Variants in PTPN13 observed in about 807,000 individuals in gnomAD.
The protein encoded by PTPN13 is tyrosine-protein phosphatase non-receptor type 13.
In PTPN13, 191 loss-of-function variants were observed where a neutral mutation model predicts 284.0. That is an observed-to-expected ratio of 0.67 (90% CI 0.60 to 0.76). PTPN13 has a LOEUF of 0.76. Among genes scored for constraint, PTPN13 ranks in the 30% least tolerant of loss-of-function variants. The probability of loss-of-function intolerance (pLI) is 0.00; values close to 1 mark genes in which losing one functional copy is unlikely to be tolerated. For synonymous variants in PTPN13, 986 were observed against 1,022.3 expected (o/e 0.96, Z 0.68); for missense variants, 2,797 against 2,939.9 (o/e 0.95, Z 1.12).
chr4:86,730,427 G>T lies in PTPN13; in HGVS notation c.1609-1973G>T, dbSNP rs544156580. ...TGGCCACAGAGGTGGAGTCTGTAGA[G>T]GAAGCAGGCCTTGCTGAGCTGCGGT... On this transcript the variant is annotated intron_variant, in intron 10 of 47. Coordinates refer to ENST00000411767, the MANE Select transcript of PTPN13 (RefSeq NM_080683.3). Among the ~76,000 whole-genome samples the T allele has an allele frequency of 1.3e-5, 2 of 150,020 alleles. 1 individual carries two copies. Among genetic ancestry groups the T allele is most frequent in the Non-Finnish European group, 3.0e-5 (2 of 66,714 alleles).
At chr4:86,632,696 CT>C (rs1200998409) in intron 1 of PTPN13, among the ~76,000 whole-genome samples, 1 of 151,750 alleles carries the variant, frequency 6.6e-6, no homozygotes, top group Non-Finnish European at 1.5e-5. Context: ...CGCCTCCTCC[CT>C]TCTTCCTTTT....
chr4:86,711,007 T>C (rs145389734), intron 7 of PTPN13, among the ~76,000 whole-genome samples: 3,383 of 151,818 alleles, frequency 0.022, 66 homozygotes, highest in Middle Eastern at 0.041. Context: ...TACTGCAACC[T>C]CTGCCTCCTG....
intron 1 of PTPN13, among the ~76,000 whole-genome samples, chr4:86,601,753 G>A (rs980419794): frequency 6.6e-6 from 1 of 152,110 alleles, no homozygotes; most frequent in Admixed American, 6.5e-5. Flanking sequence ...CTTCCACCGC[G>A]GGGATACTTA....
rs142913080 is a variant in PTPN13, at chr4:86,769,688, A to G, written c.4490-81A>G. The G allele has an allele frequency of 8.9e-4, 820 of 922,926 alleles. 1 individual carries two copies. The African/African-American group carries it at 0.012, about 14-fold the overall frequency. The allele number at this position is 922,926 out of a possible 1,614,324, so 57.2% of individuals were successfully genotyped here. On this transcript the variant is annotated intron_variant, in intron 28 of 47. Coordinates refer to ENST00000411767, the MANE Select transcript of PTPN13 (RefSeq NM_080683.3). ...GAAAATGGGCTTTTAAAATGTGTCT[A>G]GAAGTATATATGTTTGTATGTTCCT...
chr4:86,758,708 G>A lies in PTPN13; in HGVS notation c.3344G>A (p.Gly1115Glu), dbSNP rs375169848. 110 of 1,613,766 alleles carry A rather than the reference G, an allele frequency of 6.8e-5. 1 individual carries two copies. The Middle Eastern group carries it at 1.3e-3, about 19-fold the overall frequency. ...GFQIIGGEKMGRLDLGIFISS... is the reference protein window; with the variant it reads ...GFQIIGGEKMERLDLGIFISS... ...CAAATTATTGGTGGGGAGAAGATGGGAAGACTGGACCTAGGCATATTTATC... is the reference window on the plus strand; with the variant it reads ...CAAATTATTGGTGGGGAGAAGATGGAAAGACTGGACCTAGGCATATTTATC... The change falls in exon 22 of 48, where the codon GGA becomes GAA. Residue 1115 changes from glycine (G) to glutamate (E), a missense_variant. By Grantham distance (98) the Gly-to-Glu change is moderately conservative. Transcript: ENST00000411767.
At chr4:86,755,389 G>A (rs1737859098) in intron 20 of PTPN13, among the ~76,000 whole-genome samples, 1 of 148,896 alleles carries the variant, frequency 6.7e-6, no homozygotes, top group African/African-American at 2.5e-5. Flanking sequence ...ATTTTCCTTT[G>A]TAAGAGTAAA....
chr4:86,774,480 G>A lies in PTPN13; in HGVS notation c.5457G>A (p.Gln1819=), dbSNP rs892333493. 17 of 1,605,528 alleles carry A rather than the reference G, an allele frequency of 1.1e-5. No homozygotes were observed. Among genetic ancestry groups the A allele is most frequent in the Non-Finnish European group, 1.4e-5 (17 of 1,175,656 alleles). The change falls in exon 33 of 48, where the codon CAG becomes CAA. Residue 1819 remains glutamine (Q), a synonymous_variant. Transcript: ENST00000411767. The part of the protein sequence containing the change: ...RIGCYVHDVI[Q]DPAKSDGRLK... ...GTTGTTATGTTCATGATGTCATACA[G>A]GATCCAGCCAAAAGTGATGGAAGGC...
chr4:86,671,340 A>T (rs1727702293), intron 2 of PTPN13, among the ~76,000 whole-genome samples: 1 of 152,190 alleles, frequency 6.6e-6, no homozygotes. Flanking sequence ...TGACAGAGTG[A>T]TATCAGTATA....
chr4:86,739,987 AG>A (rs1284943084), intron 15 of PTPN13, among the ~76,000 whole-genome samples: 1 of 152,212 alleles, frequency 6.6e-6, no homozygotes, highest in Admixed American at 6.5e-5. Context: ...CTGATGCAAG[AG>A]GTGGGCTCCC....
In PTPN13 at chr4:86,686,743, TG is replaced by T; in HGVS notation, c.334del (p.Ala112LeufsTer58). On this transcript the variant is annotated frameshift_variant, in exon 4 of 48. Coordinates refer to ENST00000411767, the MANE Select transcript of PTPN13 (RefSeq NM_080683.3). LOFTEE classifies it high-confidence loss of function. ...TTATTCTCTTGGAATGACACTGTAT[TG>T]GGGGGCTGATTATGAAGTGCCTCAG... is the stretch of plus-strand genomic sequence containing the variant. ...HIYSLGMTLY[W>X]GADYEVPQSQ... 1 of 1,581,880 alleles carries T rather than the reference TG, an allele frequency of 6.3e-7. No homozygotes were observed. Among genetic ancestry groups the T allele is most frequent in the African/African-American group, 1.3e-5 (1 of 74,150 alleles).
intron 6 of PTPN13, among the ~76,000 whole-genome samples, chr4:86,697,687 T>G (rs1730719197): frequency 6.6e-6 from 1 of 152,184 alleles, no homozygotes; most frequent in Non-Finnish European, 1.5e-5. Flanking sequence ...GTTTCTTTCT[T>G]TTGAAACGCA....
intron 37 of PTPN13, among the ~76,000 whole-genome samples, chr4:86,783,539 A>G (rs1163959640): frequency 1.3e-5 from 2 of 151,722 alleles, no homozygotes; most frequent in Non-Finnish European, 2.9e-5. Context: ...AAAATCTTCC[A>G]GGAAGTCTCC....
chr4:86,710,824 T>C (rs966937587), intron 7 of PTPN13, among the ~76,000 whole-genome samples: 2 of 152,214 alleles, frequency 1.3e-5, no homozygotes, highest in Admixed American at 1.3e-4. Flanking sequence ...CAAAAAATAG[T>C]ATACTCTTAA....
rs554981680 is a variant in PTPN13, at chr4:86,771,203, A to G, written c.4836A>G (p.Pro1612=). ...TTCAGTCTCCAGCACAAGTACTTCC[A>G]AACAGCAGTAAAGACTCTTCTCAGC... is the stretch of plus-strand genomic sequence containing the variant. ...TPLQSPAQVL[P]NSSKDSSQPS... The change falls in exon 31 of 48, where the codon CCA becomes CCG. Residue 1612 remains proline (P), a synonymous_variant. Transcript: ENST00000411767. The G allele has an allele frequency of 4.3e-6, 7 of 1,612,036 alleles. No individual in the cohort carries two copies. The highest frequency in any genetic ancestry group is 1.7e-5 in the Admixed American group (1 of 59,792).
chr4:86,732,614 A>G lies in PTPN13; in HGVS notation c.1706A>G (p.Asp569Gly), dbSNP rs761963844. ...TAGACTAAGAAAGGGAAGAATGAGG[A>G]TAACCGAAGGAAAGTAAACATAATG... ...SILTKKGKNEDNRRKVNIMLL... is the reference protein window; with the variant it reads ...SILTKKGKNEGNRRKVNIMLL... The change falls in exon 12 of 48, where the codon GAT (aspartate) becomes GGT (glycine). Residue 569 changes from aspartate (D) to glycine (G), a missense_variant. Coordinates refer to ENST00000411767, the MANE Select transcript of PTPN13 (RefSeq NM_080683.3). 1 of 1,613,384 alleles carries G rather than the reference A, an allele frequency of 6.2e-7. No individual in the cohort carries two copies.
chr4:86,624,765 A>T lies in PTPN13; in HGVS notation c.-5-10487A>T, dbSNP rs1000057006. On this transcript the variant is annotated intron_variant, in intron 1 of 47. Coordinates refer to ENST00000411767, the MANE Select transcript of PTPN13 (RefSeq NM_080683.3). ...GAGTTTGAGAATGCAGTGTGCCATG[A>T]TCATGCCTGTGAATAGCCACTGTAC... Among the ~76,000 whole-genome samples, 7 of 152,230 alleles carry T rather than the reference A, an allele frequency of 4.6e-5. No homozygotes were observed. The South Asian group carries it at 1.5e-3, about 32-fold the overall frequency.
intron 1 of PTPN13, among the ~76,000 whole-genome samples, chr4:86,634,454 T>C (rs1317342365): frequency 6.6e-6 from 1 of 152,198 alleles, no homozygotes; most frequent in African/African-American, 2.4e-5. Context: ...TATCATCACT[T>C]AACTGAACGC....
At chr4:86,732,354 T>A (rs983185026) in intron 10 of PTPN13, 46 bp from the exon 11 acceptor site, 2 of 1,401,350 alleles carry the variant, frequency 1.4e-6, no homozygotes, top group Admixed American at 5.0e-5. Flanking sequence ...AGGAAAAAAC[T>A]AGAATAAATA....
At chr4:86,693,773 A>G in intron 6 of PTPN13, 99 bp downstream of exon 6, 2 of 764,600 alleles carry the variant, frequency 2.6e-6, no homozygotes, top group Non-Finnish European at 4.0e-6. Flanking sequence ...GGTAATTGAG[A>G]CTATGATTAG....
Sources: gnomAD v4.1 joint callset for allele counts (sites outside exome capture counted in the v4.1 genomes callset) on GRCh38, gnomAD v4.1.1 for gene constraint, MANE v1.5 for transcripts, NCBI Gene and HGNC (gene_info 2026-07-23, HGNC 2026-07-21) for gene names.